Variants in IMPG2 observed in about 807,000 individuals in gnomAD.
IMPG2 encodes the protein interphotoreceptor matrix proteoglycan 2, also known as IPM 200.
In IMPG2, 91 loss-of-function variants were observed where a neutral mutation model predicts 129.2. The ratio of observed to expected loss-of-function variants is 0.70; its 90% CI spans 0.59 to 0.84. The LOEUF is 0.84. IMPG2 is among the 40% of genes least tolerant of loss of function. The pLI, the probability that IMPG2 is intolerant of heterozygous loss-of-function variation, is 0.00. For missense variants in IMPG2, 1,430 were observed against 1,461.7 expected, an observed-to-expected ratio of 0.98 and a Z score of 0.35; for synonymous variants, 510 against 517.7, an observed-to-expected ratio of 0.99 and a Z score of 0.20.
At chr3:101,272,221 G>A (rs1001631969) in intron 7 of IMPG2, among the ~76,000 whole-genome samples, 2 of 152,136 alleles carry the variant, frequency 1.3e-5, no homozygotes, top group African/African-American at 4.8e-5. Context: ...AATACCCAGA[G>A]AAGCTGAGGG....
At chr3:101,279,549 G>A (rs1314822195) in intron 4 of IMPG2, among the ~76,000 whole-genome samples, 3 of 152,152 alleles carry the variant, frequency 2.0e-5, no homozygotes, top group African/African-American at 7.2e-5. Context: ...AAAGAGGAAG[G>A]GGAACCTGGT....
At position 101,243,623 on chromosome 3, in the gene IMPG2, A is replaced by C; in HGVS notation, c.2708T>G (p.Phe903Cys). ...TQTSGALVVF[F>C]SLRVTNMMFS... ...CATCATGTTAGTCACTCGGAGGCTG[A>C]AGAAAACCACCAAAGCTCCTGAAGT... is the stretch of plus-strand genomic sequence containing the variant. Residue 903 changes from phenylalanine (F) to cysteine (C), a missense_variant, in exon 13 of 19, where the codon TTC (phenylalanine) becomes TGC (cysteine). Physicochemically the swap from Phe to Cys is radical, Grantham distance 205. Transcript: ENST00000193391. 1 of 1,613,974 alleles carries C rather than the reference A, an allele frequency of 6.2e-7. No individual in the cohort carries two copies. The highest frequency in any genetic ancestry group is 8.5e-7 in the Non-Finnish European group (1 of 1,179,966).
chr3:101,293,262 C>G (rs481809), intron 3 of IMPG2, among the ~76,000 whole-genome samples: 109,215 of 152,072 alleles, frequency 0.72, 40,380 homozygotes, highest in East Asian at 0.84. Flanking sequence ...GTTGAAATTA[C>G]TCCTTACTCC....
chr3:101,284,917 A>G (rs1274552402), intron 4 of IMPG2, among the ~76,000 whole-genome samples: 1 of 152,208 alleles, frequency 6.6e-6, no homozygotes, highest in Non-Finnish European at 1.5e-5. Context: ...TTGCTTTCTA[A>G]TAAACCACAA....
At chr3:101,257,374 G>A (rs1261488069) in intron 10 of IMPG2, among the ~76,000 whole-genome samples, 155 bp downstream of exon 10, 1 of 152,004 alleles carries the variant, frequency 6.6e-6, no homozygotes, top group Admixed American at 6.6e-5. Flanking sequence ...ATCCAAAATA[G>A]CTGCATGGCT....
At chr3:101,275,625 A>G in intron 6 of IMPG2, 38 bp downstream of exon 6, 1 of 1,387,258 alleles carries the variant, frequency 7.2e-7, no homozygotes, top group South Asian at 1.2e-5. Flanking sequence ...TCTATGTTCC[A>G]TGTTAGAAAC....
chr3:101,256,145 A>AAAGAAAAGAAAG (rs1553682271), intron 10 of IMPG2, among the ~76,000 whole-genome samples: 1 of 77,538 alleles, frequency 1.3e-5, no homozygotes, highest in African/African-American at 5.2e-5. Context: ...AGAAAGAAAG[A>AAAGAAAAGAAAG]AAAGAAAGAA....
chr3:101,244,814 A>C (rs1706458449), intron 12 of IMPG2, 27 bp from the exon 13 acceptor site: 1 of 1,597,774 alleles, frequency 6.3e-7, no homozygotes, highest in Non-Finnish European at 8.6e-7. Flanking sequence ...CCATTAATTA[A>C]TCTACAGAGT....
At chr3:101,273,773 C>A in intron 6 of IMPG2, 31 bp from the exon 7 acceptor site, 1 of 1,595,760 alleles carries the variant, frequency 6.3e-7, no homozygotes. Context: ...CAATAAATGT[C>A]AAGGCTTATT....
intron 14 of IMPG2, 79 bp from the exon 15 acceptor site, chr3:101,233,070 C>T: frequency 7.5e-7 from 1 of 1,327,738 alleles, no homozygotes; most frequent in East Asian, 2.3e-5. Context: ...CATTAAAGTT[C>T]TCCCCCAAAG....
intron 14 of IMPG2, among the ~76,000 whole-genome samples, chr3:101,240,619 C>T (rs1267620917): frequency 6.6e-6 from 1 of 152,120 alleles, no homozygotes; most frequent in East Asian, 1.9e-4. Flanking sequence ...AATAGCCCAT[C>T]TAGGGTCACA....
intron 11 of IMPG2, among the ~76,000 whole-genome samples, chr3:101,247,319 C>T (rs1414093503): frequency 2.6e-5 from 4 of 152,094 alleles, no homozygotes; most frequent in Non-Finnish European, 5.9e-5. Context: ...TATTTGAGGC[C>T]GGGAGTGGTG....
At chr3:101,233,436 T>C (rs1295239992) in intron 14 of IMPG2, among the ~76,000 whole-genome samples, 1 of 151,960 alleles carries the variant, frequency 6.6e-6, no homozygotes, top group Non-Finnish European at 1.5e-5. Context: ...ACTGAGAACA[T>C]GAATGGGGAG....
rs192551069 is a variant in IMPG2 at position 101,257,542 on chromosome 3, C to T, written c.1140G>A (p.Leu380=). The change falls in exon 10 of 19, where the codon CTG becomes CTA. Residue 380 remains leucine, a synonymous_variant. Transcript: ENST00000193391. ...TATCAAACTCACCATTGATAAGCTGCAGGGAATCAGGATCTGGATTCAAGG... is the reference window on the plus strand; with the variant it reads ...TATCAAACTCACCATTGATAAGCTGTAGGGAATCAGGATCTGGATTCAAGG... ...NSSLNPDPDS[L]QLINVRGVLR... 292 of 1,613,266 alleles carry T rather than the reference C, an allele frequency of 1.8e-4. 1 individual carries two copies. Among genetic ancestry groups the T allele is most frequent in the Middle Eastern group, 1.7e-3 (10 of 6,048 alleles).
chr3:101,304,427 G>A (rs1271340005), intron 2 of IMPG2, 115 bp from the exon 3 acceptor site: 17 of 932,862 alleles, frequency 1.8e-5, no homozygotes, highest in Non-Finnish European at 2.8e-5. Flanking sequence ...CTTTCTGGAG[G>A]GATGTAGGAA....
chr3:101,289,671 C>A (rs565739126), intron 4 of IMPG2, among the ~76,000 whole-genome samples: 15 of 151,962 alleles, frequency 9.9e-5, no homozygotes, highest in African/African-American at 3.6e-4. Context: ...TAATTTTGAT[C>A]TTAAAAGCAA....
chr3:101,304,034 C>G, intron 3 of IMPG2, 112 bp downstream of exon 3: 4 of 1,148,454 alleles, frequency 3.5e-6, no homozygotes, highest in Middle Eastern at 2.8e-4. Flanking sequence ...TAGCCCAATT[C>G]AACAAAAGAG....
intron 3 of IMPG2, among the ~76,000 whole-genome samples, chr3:101,291,774 T>G (rs1707016889): frequency 6.6e-6 from 1 of 152,196 alleles, no homozygotes; most frequent in South Asian, 2.1e-4. Flanking sequence ...AGGCTTGATC[T>G]GCCAATCATC....
intron 2 of IMPG2, among the ~76,000 whole-genome samples, chr3:101,316,044 G>C (rs1456414940): frequency 6.6e-6 from 1 of 151,870 alleles, no homozygotes; most frequent in Non-Finnish European, 1.5e-5. Context: ...TTTAACAAAT[G>C]GTATTGGAAC....
Sources: gnomAD v4.1 joint callset for allele counts (sites outside exome capture counted in the v4.1 genomes callset) on GRCh38, gnomAD v4.1.1 for gene constraint, MANE v1.5 for transcripts, NCBI Gene and HGNC (gene_info 2026-07-23, HGNC 2026-07-21) for gene names.